Variants in TEX14 observed in about 807,000 individuals in gnomAD.
TEX14 encodes testis expressed 14, intercellular bridge forming factor.
Under a neutral mutation model 178.6 loss-of-function variants are expected in TEX14, and 168 were observed. The observed-to-expected ratio is 0.94, with a 90% CI of 0.83 to 1.07. TEX14 has a LOEUF of 1.07. TEX14 is among the 50% of genes least tolerant of loss of function. TEX14 has a pLI of 0.00. For missense variants in TEX14, 1,730 were observed against 1,753.6 expected, an observed-to-expected ratio of 0.99 and a Z score of 0.24; for synonymous variants, 626 against 634.1, an observed-to-expected ratio of 0.99 and a Z score of 0.19.
chr17:58,619,117 T>C (rs1567739243), intron 5 of TEX14, among the ~76,000 whole-genome samples: 1 of 152,250 alleles, frequency 6.6e-6, no homozygotes, highest in African/African-American at 2.4e-5. Flanking sequence ...TGTCAGCCTC[T>C]AGCAGCAGTG....
intron 1 of TEX14, among the ~76,000 whole-genome samples, chr17:58,656,925 C>A (rs375595046): frequency 3.4e-4 from 27 of 79,510 alleles, no homozygotes; most frequent in East Asian, 2.0e-3. Flanking sequence ...TCCCATCTCA[C>A]AAAAAAAAAA....
At position 58,579,733 on chromosome 17, in the gene TEX14, T is replaced by C. The variant is rs746812214; in HGVS notation, c.3172-2A>G. 5 of 1,612,812 alleles carry C rather than the reference T, an allele frequency of 3.1e-6. No individual in the cohort carries two copies. Among genetic ancestry groups the C allele is most frequent in the Non-Finnish European group, 1.7e-6 (2 of 1,179,272 alleles). On this transcript the variant is annotated splice_acceptor_variant, in intron 19 of 31. Transcript: ENST00000349033. LOFTEE classifies it high-confidence loss of function. ...GTCCTCTTCTATGGGACTCGAGGTC[T>C]AAAAAAGAACAAAAGAAAAGCAAAG...
rs2047244047 is a variant in TEX14 at position 58,668,113 on chromosome 17, C to CTGATCAGGA, written c.-1-16112_-1-16111insTCCTGATCA. ...GTGATATCTGATCACCCCAGCCTGTCTTCAGCAAGAATCCTGTTAGATCAG... is the reference window on the plus strand; with the variant it reads ...GTGATATCTGATCACCCCAGCCTGTCTGATCAGGATTCAGCAAGAATCCTGTTAGATCAG... On this transcript the variant is annotated intron_variant, in intron 1 of 31. Transcript: ENST00000349033. Among the ~76,000 whole-genome samples the CTGATCAGGA allele has an allele frequency of 2.0e-5, 3 of 152,174 alleles. No individual in the cohort carries two copies. In the South Asian group the frequency reaches 6.2e-4, roughly 31 times the overall value.
chr17:58,592,588 C>G (rs1169837217), intron 15 of TEX14, among the ~76,000 whole-genome samples: 1 of 151,106 alleles, frequency 6.6e-6, no homozygotes, highest in Non-Finnish European at 1.5e-5. Flanking sequence ...CCTGCCTTGG[C>G]CTCCCAAAGC....
At chr17:58,654,741 AGG>A (rs1369719084) in intron 1 of TEX14, among the ~76,000 whole-genome samples, 47 of 151,968 alleles carry the variant, frequency 3.1e-4, no homozygotes, top group Middle Eastern at 3.4e-3. Flanking sequence ...TTCTGACCTC[AGG>A]TGATCTGCCC....
chr17:58,680,999 G>A (rs1598437974), intron 1 of TEX14, among the ~76,000 whole-genome samples: 1 of 152,072 alleles, frequency 6.6e-6, no homozygotes, highest in East Asian at 1.9e-4. Flanking sequence ...TAAAAATCTT[G>A]GGCCAGGTGC....
intron 2 of TEX14, among the ~76,000 whole-genome samples, chr17:58,646,598 T>C (rs544674148): frequency 1.3e-5 from 2 of 152,298 alleles, no homozygotes; most frequent in African/African-American, 4.8e-5. Context: ...TGCAAGTAGC[T>C]AGGACTACAG....
Position 58,651,956 on chromosome 17 carries a change from C to G in TEX14, c.46G>C (p.Gly16Arg), listed in dbSNP as rs748983046. The change falls in exon 2 of 32, where the codon GGT becomes CGT. Residue 16 changes from glycine to arginine, a missense_variant. Physicochemically the swap from Gly to Arg is moderately radical, Grantham distance 125 (BLOSUM62 -2). Coordinates refer to ENST00000349033, the MANE Select transcript of TEX14 (RefSeq NM_031272.5). ...TCCAGGGAGTCATTTCTTAAGGTAC[C>G]AAGTTGAACAGGACAGGGGACTGGA... is the stretch of plus-strand genomic sequence containing the variant. The part of the protein sequence containing the change: ...RLPVPCPVQL[G>R]TLRNDSLEAQ... The G allele has an allele frequency of 6.2e-7, 1 of 1,612,836 alleles. No individual in the cohort carries two copies. The highest frequency in any genetic ancestry group is 2.2e-5 in the East Asian group (1 of 44,808).
chr17:58,593,139 A>G (rs1301946157), intron 15 of TEX14, among the ~76,000 whole-genome samples: 1 of 151,984 alleles, frequency 6.6e-6, no homozygotes, highest in Non-Finnish European at 1.5e-5. Flanking sequence ...GAAATCACAC[A>G]CCCCAGGGTC....
chr17:58,663,917 C>T (rs2047162488), intron 1 of TEX14, among the ~76,000 whole-genome samples: 1 of 152,160 alleles, frequency 6.6e-6, no homozygotes, highest in Non-Finnish European at 1.5e-5. Flanking sequence ...GTGGCTCATG[C>T]CTGCAATCCC....
At chr17:58,575,015 A>T (rs1011946058) in intron 21 of TEX14, among the ~76,000 whole-genome samples, 2 of 151,936 alleles carry the variant, frequency 1.3e-5, no homozygotes. Context: ...GACAAACTTG[A>T]CCTGTTTCTA....
intron 12 of TEX14, 78 bp downstream of exon 12, chr17:58,602,322 A>G (rs2045472784): frequency 2.9e-6 from 4 of 1,385,134 alleles, no homozygotes; most frequent in East Asian, 2.3e-5. Context: ...CTTGGTCTCT[A>G]GCTTCATCTT....
At position 58,564,942 on chromosome 17, in the gene TEX14, T is replaced by C; in HGVS notation, c.3991A>G (p.Thr1331Ala). 2.5e-6 allele frequency: 4 copies of C among 1,607,226 alleles called. No individual in the cohort carries two copies. The highest frequency in any genetic ancestry group is 3.4e-6 in the Non-Finnish European group (4 of 1,176,724). The change falls in exon 28 of 32, where the codon ACT (threonine) becomes GCT (alanine). Residue 1331 changes from threonine (T) to alanine (A), a missense_variant. By Grantham distance (58) the Thr-to-Ala change is moderately conservative. Coordinates refer to ENST00000349033, the MANE Select transcript of TEX14 (RefSeq NM_031272.5). ...NDQRHLEEQE[T>A]DSKKEDSSML... ...CTACTATCTTCTTTTTTACTGTCAG[T>C]TTCTTGTTCTTCTAAGTGCCTTTGA... is the stretch of plus-strand genomic sequence containing the variant.
intron 28 of TEX14, chr17:58,564,234 C>T (rs1195661216): frequency 2.0e-5 from 3 of 152,220 alleles, no homozygotes; most frequent in Non-Finnish European, 4.4e-5. Flanking sequence ...TATCCGTACA[C>T]TCATGTTCAC....
At chr17:58,559,637 A>C in intron 29 of TEX14, 75 bp from the exon 30 acceptor site, 1 of 725,536 alleles carries the variant, frequency 1.4e-6, no homozygotes, top group Non-Finnish European at 2.4e-6. Flanking sequence ...TCAAAACAAA[A>C]AACAAACAAC....
chr17:58,577,403 G>A lies in TEX14; in HGVS notation c.3292C>T (p.Pro1098Ser). The A allele has an allele frequency of 1.3e-6, 2 of 1,508,320 alleles. No homozygotes were observed. The highest frequency in any genetic ancestry group is 1.3e-5 in the South Asian group (1 of 75,638). The allele number at this position is 1,508,320 out of a possible 1,614,324, so 93.4% of individuals were successfully genotyped here. A position where few individuals can be genotyped will look rare whatever the true frequency, so the allele number is the denominator to read the frequency against. Residue 1098 changes from proline to serine, a missense_variant, in exon 21 of 32, where the codon CCC (proline) becomes TCC (serine). Coordinates refer to ENST00000349033, the MANE Select transcript of TEX14 (RefSeq NM_031272.5). Reference sequence around the variant, plus strand: ...CGTACAGGTTGAAATTGAGACCTGGGCAAAATCTCAGCATTCTTTCCAAGA... The same window carrying A: ...CGTACAGGTTGAAATTGAGACCTGGACAAAATCTCAGCATTCTTTCCAAGA... ...KILGKNAEIL[P>S]RSQFQPVRST...
In TEX14 at chr17:58,569,045, T is replaced by G. The variant is rs1404231701; in HGVS notation, c.3886+147A>C. 1 of 552,638 alleles carries G rather than the reference T, an allele frequency of 1.8e-6. No individual in the cohort carries two copies. Among genetic ancestry groups the G allele is most frequent in the Non-Finnish European group, 3.1e-6 (1 of 327,032 alleles). The allele number at this position is 552,638 out of a possible 1,614,324, so 34.2% of individuals were successfully genotyped here. A position where few individuals can be genotyped will look rare whatever the true frequency, so the allele number is the denominator to read the frequency against. On this transcript the variant is annotated intron_variant, in intron 26 of 31. Transcript: ENST00000349033. The surrounding 1 kb of genome is among the most constrained non-coding windows in gnomAD (Gnocchi z 4.1). Reference sequence around the variant, plus strand: ...ATTGCAAAACTGCCCCTTCCTAAATTTTGGAAAACTGCCCCTTCCTATATT... The same window carrying G: ...ATTGCAAAACTGCCCCTTCCTAAATGTTGGAAAACTGCCCCTTCCTATATT...
chr17:58,691,003 G>A (rs1347549175), intron 1 of TEX14, among the ~76,000 whole-genome samples: 1 of 152,064 alleles, frequency 6.6e-6, no homozygotes, highest in Non-Finnish European at 1.5e-5. Context: ...ACCGGTGCAT[G>A]CCACCATGCC....
chr17:58,633,845 G>A (rs1036492074), intron 2 of TEX14, among the ~76,000 whole-genome samples: 2 of 151,970 alleles, frequency 1.3e-5, no homozygotes, highest in African/African-American at 4.8e-5. Flanking sequence ...GCACACGCCT[G>A]TAGTCCCAGC....
Sources: gnomAD v4.1 joint callset for allele counts (sites outside exome capture counted in the v4.1 genomes callset) on GRCh38, gnomAD v4.1.1 for gene constraint, Gnocchi (gnomAD v3.1) non-coding constraint, MANE v1.5 for transcripts, NCBI Gene and HGNC (gene_info 2026-07-23, HGNC 2026-07-21) for gene names.